Variants in MNX1 observed in about 807,000 individuals in gnomAD.
MNX1 encodes motor neuron and pancreas homeobox 1, also known as motor neuron and pancreas homeobox protein 1.
MNX1 carries 2 observed loss-of-function variants against 17.3 expected under a neutral mutation model. That is an observed-to-expected ratio of 0.12 (90% CI 0.05 to 0.36). The LOEUF (loss-of-function observed/expected upper bound fraction) is 0.36, where lower values mean the gene tolerates loss of function less well. MNX1 is among the 10% of genes least tolerant of loss of function. The pLI, the probability that MNX1 is intolerant of heterozygous loss-of-function variation, is 1.00. For synonymous variants in MNX1, 306 were observed against 283.1 expected (o/e 1.08, Z -0.81); for missense variants, 556 against 564.7 (o/e 0.98, Z 0.16).
Position 157,005,594 on chromosome 7 carries a change from C to T in MNX1, c.1132G>A (p.Ala378Thr), listed in dbSNP as rs1259816325. The T allele has an allele frequency of 2.5e-6, 4 of 1,600,226 alleles. No individual in the cohort carries two copies. The highest frequency in any genetic ancestry group is 1.7e-5 in the Admixed American group (1 of 58,926). ...FPYSNGASVHAASSDCSSEDD... is the reference protein window; with the variant it reads ...FPYSNGASVHTASSDCSSEDD... ...TCCGAGGAGCAGTCGGAGGAGGCGG[C>T]GTGGACGCTGGCGCCGTTGCTGTAG... is the stretch of plus-strand genomic sequence containing the variant. The change falls in exon 3 of 3, where the codon GCC becomes ACC. Residue 378 changes from alanine to threonine, a missense_variant. Physicochemically the swap from Ala to Thr is moderately conservative, Grantham distance 58. Transcript: ENST00000252971.
Position 157,006,678 on chromosome 7 carries a change from G to C in MNX1, c.692-39C>G. The C allele has an allele frequency of 6.5e-7, 1 of 1,536,216 alleles. No homozygotes were observed. The highest frequency in any genetic ancestry group is 8.8e-7 in the Non-Finnish European group (1 of 1,141,724). On this transcript the variant is annotated intron_variant, in intron 1 of 2. Coordinates refer to ENST00000252971, the MANE Select transcript of MNX1 (RefSeq NM_005515.4). This position sits in a 1 kb window ranked among gnomAD's most constrained non-coding sequence, Gnocchi z 6.3. Reference sequence around the variant, plus strand: ...GGCAGTGAGGCCCACAGCCGGCTCCGGTCCTCGCCCCAGCCCCTCCCGTTG... The same window carrying C: ...GGCAGTGAGGCCCACAGCCGGCTCCCGTCCTCGCCCCAGCCCCTCCCGTTG...
Position 157,005,460 on chromosome 7 carries a change from C to G in MNX1, c.*60G>C. ...GGGTGGGTGCGGGCGCCGGGGCCTC[C>G]GGGAGAAGCCGCCGGCCGGGGCGCT... On this transcript the variant is annotated 3_prime_UTR_variant, in exon 3 of 3. Coordinates refer to ENST00000252971, the MANE Select transcript of MNX1 (RefSeq NM_005515.4). 1 of 1,192,700 alleles carries G rather than the reference C, an allele frequency of 8.4e-7. No individual in the cohort carries two copies. The highest frequency in any genetic ancestry group is 1.0e-6 in the Non-Finnish European group (1 of 957,180). The allele number at this position is 1,192,700 out of a possible 1,614,324, so 73.9% of individuals were successfully genotyped here. A position where few individuals can be genotyped will look rare whatever the true frequency, so the allele number is the denominator to read the frequency against.
In MNX1 at chr7:157,006,940, G is replaced by T. The variant is rs1175889227; in HGVS notation, c.692-301C>A. On this transcript the variant is annotated intron_variant, in intron 1 of 2. Coordinates refer to ENST00000252971, the MANE Select transcript of MNX1 (RefSeq NM_005515.4). This position sits in a 1 kb window ranked among gnomAD's most constrained non-coding sequence, Gnocchi z 6.3. ...AGGAGGCTTCCTCTCCACAGGAGCCGGCTTTGGTAGCAGTGGATTGACCCA... is the reference window on the plus strand; with the variant it reads ...AGGAGGCTTCCTCTCCACAGGAGCCTGCTTTGGTAGCAGTGGATTGACCCA... The T allele has an allele frequency of 1.1e-5, 3 of 272,686 alleles. No individual in the cohort carries two copies. The East Asian group carries it at 2.2e-4, about 20-fold the overall frequency. The allele number at this position is 272,686 out of a possible 1,614,324, so 16.9% of individuals were successfully genotyped here.
chr7:157,007,928 A>G (rs13221118), intron 1 of MNX1: 23,372 of 152,292 alleles, frequency 0.15, 2,578 homozygotes, highest in African/African-American at 0.31. Flanking sequence ...GCCATCCAAC[A>G]GGCAGAGACA....
Position 157,010,486 on chromosome 7 carries a change from G to T in MNX1, c.-136C>A. On this transcript the variant is annotated 5_prime_UTR_variant, in exon 1 of 3. Transcript: ENST00000252971. Reference sequence around the variant, plus strand: ...TGGTTATTTGCCAATAATCAAAGTCGCCGCCGGAAACTCAGCCGAGGGTGA... The same window carrying T: ...TGGTTATTTGCCAATAATCAAAGTCTCCGCCGGAAACTCAGCCGAGGGTGA... 1.7e-6 allele frequency: 1 copy of T among 573,572 alleles called. No homozygotes were observed. The highest frequency in any genetic ancestry group is 2.8e-6 in the Non-Finnish European group (1 of 360,620). The allele number at this position is 573,572 out of a possible 1,614,324, so 35.5% of individuals were successfully genotyped here.
chr7:157,005,621 G>T lies in MNX1; in HGVS notation c.1105C>A (p.Pro369Thr), dbSNP rs1805579727. The T allele has an allele frequency of 6.2e-7, 1 of 1,608,942 alleles. No homozygotes were observed. Among genetic ancestry groups the T allele is most frequent in the African/African-American group, 1.3e-5 (1 of 74,762 alleles). ...TGGACGCTGGCGCCGTTGCTGTAGG[G>T]GAAATGGTCCTCGTCGTCCTCGTCC... ...DEDEDDEDHF[P>T]YSNGASVHAA... is the part of the protein sequence containing the mutation. Residue 369 changes from proline to threonine, a missense_variant, in exon 3 of 3, where the codon CCC becomes ACC. Pro to Thr is a conservative substitution (Grantham distance 38, BLOSUM62 -1). Transcript: ENST00000252971.
Position 157,006,174 on chromosome 7 carries a change from C to T in MNX1, c.853-301G>A. The T allele has an allele frequency of 1.7e-6, 1 of 586,044 alleles. No individual in the cohort carries two copies. Among genetic ancestry groups the T allele is most frequent in the Non-Finnish European group, 3.0e-6 (1 of 331,144 alleles). 36.3% of individuals were successfully genotyped at this position (586,044 alleles called of 1,614,324 possible). ...TCCGTCTGCGGAGGAAGGGTCAGGG[C>T]AGCTGGCTACGTCGCGGTAAATCTC... is the stretch of plus-strand genomic sequence containing the variant. On this transcript the variant is annotated intron_variant, in intron 2 of 2. Coordinates refer to ENST00000252971, the MANE Select transcript of MNX1 (RefSeq NM_005515.4). The surrounding 1 kb of genome is among the most constrained non-coding windows in gnomAD (Gnocchi z 6.3).
In MNX1 at chr7:157,006,293, G is replaced by C. The variant is rs1805596793; in HGVS notation, c.852+186C>G. The stretch of plus-strand genomic sequence containing the variant: ...ATGAAAGGAGGGGTGGTTAAGTGCT[G>C]ATTCTTGGGCCCCACCCGAAGCTAC... On this transcript the variant is annotated intron_variant, in intron 2 of 2. Transcript: ENST00000252971. The surrounding 1 kb of genome is among the most constrained non-coding windows in gnomAD (Gnocchi z 6.3). 1 of 630,820 alleles carries C rather than the reference G, an allele frequency of 1.6e-6. No individual in the cohort carries two copies. Among genetic ancestry groups the C allele is most frequent in the Non-Finnish European group, 2.7e-6 (1 of 365,988 alleles). The allele number at this position is 630,820 out of a possible 1,614,324, so 39.1% of individuals were successfully genotyped here. A position where few individuals can be genotyped will look rare whatever the true frequency, so the allele number is the denominator to read the frequency against.
At chr7:157,008,700 A>C (rs1444594826) in intron 1 of MNX1, 3 of 471,062 alleles carry the variant, frequency 6.4e-6, no homozygotes, top group Non-Finnish European at 1.1e-5. Flanking sequence ...AGACAGAAAC[A>C]ATGGGGTCTC....
Position 157,009,696 on chromosome 7 carries a change from C to T in MNX1, c.655G>A (p.Ala219Thr), listed in dbSNP as rs1805671950. ...GGCATCTTAGGCAGGATCATGCCCG[C>T]GGTGGACGCGCGCAGCCACTGGTCC... ...QLDQWLRAST[A>T]GMILPKMPDF... is the part of the protein sequence containing the mutation. Residue 219 changes from alanine to threonine, a missense_variant, in exon 1 of 3, where the codon GCG becomes ACG. Transcript: ENST00000252971. The T allele has an allele frequency of 6.2e-7, 1 of 1,608,684 alleles. No individual in the cohort carries two copies. Among genetic ancestry groups the T allele is most frequent in the Non-Finnish European group, 8.5e-7 (1 of 1,178,956 alleles).
At position 157,006,560 on chromosome 7, in the gene MNX1, C is replaced by T. The variant is rs1244698173; in HGVS notation, c.771G>A (p.Glu257=). The T allele has an allele frequency of 2.5e-6, 4 of 1,608,826 alleles. No individual in the cohort carries two copies. Among genetic ancestry groups the T allele is most frequent in the East Asian group, 2.2e-5 (1 of 44,712 alleles). ...AFTSQQLLEL[E]HQFKLNKYLS... The stretch of plus-strand genomic sequence containing the variant: ...GGTACTTGTTGAGCTTGAACTGGTG[C>T]TCCAGCTCCAGCAGCTGCTGGCTGG... Residue 257 remains glutamate (E), a synonymous_variant, in exon 2 of 3, where the codon GAG becomes GAA. Coordinates refer to ENST00000252971, the MANE Select transcript of MNX1 (RefSeq NM_005515.4). This position sits in a 1 kb window ranked among gnomAD's most constrained non-coding sequence, Gnocchi z 6.3.
chr7:157,009,669 C>G lies in MNX1; in HGVS notation c.682G>C (p.Asp228His), dbSNP rs763110541. ...TAGMILPKMP[D>H]FNSQAQSNLL... ...GCCGCAGGGTACTCACAGTTGAAGT[C>G]GGGCATCTTAGGCAGGATCATGCCC... is the stretch of plus-strand genomic sequence containing the variant. Residue 228 changes from aspartate to histidine, a missense_variant, in exon 1 of 3, where the codon GAC (aspartate) becomes CAC (histidine). Physicochemically the swap from Asp to His is moderately conservative, Grantham distance 81. Coordinates refer to ENST00000252971, the MANE Select transcript of MNX1 (RefSeq NM_005515.4). 6.2e-7 allele frequency: 1 copy of G among 1,609,220 alleles called. No individual in the cohort carries two copies. Among genetic ancestry groups the G allele is most frequent in the Non-Finnish European group, 8.5e-7 (1 of 1,179,188 alleles).
chr7:157,009,430 AAGAGAGGAAG>A, intron 1 of MNX1: 2 of 1,427,498 alleles, frequency 1.4e-6, no homozygotes, highest in East Asian at 5.1e-5. Context: ...CCTTCCCGTT[AAGAGAGGAAG>A]AGAAGGCAAG....
chr7:157,005,383 C>G lies in MNX1; in HGVS notation c.*137G>C. The G allele has an allele frequency of 3.9e-6, 2 of 518,246 alleles. No homozygotes were observed. The highest frequency in any genetic ancestry group is 5.5e-6 in the Non-Finnish European group (2 of 361,864). The allele number at this position is 518,246 out of a possible 1,614,324, so 32.1% of individuals were successfully genotyped here. On this transcript the variant is annotated 3_prime_UTR_variant, in exon 3 of 3. Transcript: ENST00000252971. ...GCGGCCGAATCCCTCCAGCCCCGGC[C>G]TGGGCGAGGGGTCCATGGGGCGGCG...
chr7:157,009,873 C>T lies in MNX1; in HGVS notation c.478G>A (p.Gly160Ser). 3 of 1,452,886 alleles carry T rather than the reference C, an allele frequency of 2.1e-6. No individual in the cohort carries two copies. Among genetic ancestry groups the T allele is most frequent in the East Asian group, 3.0e-5 (1 of 33,292 alleles). 90.0% of individuals were successfully genotyped at this position (1,452,886 alleles called of 1,614,324 possible). A position where few individuals can be genotyped will look rare whatever the true frequency, so the allele number is the denominator to read the frequency against. Residue 160 changes from glycine to serine, a missense_variant, in exon 1 of 3, where the codon GGC becomes AGC. Gly to Ser is a moderately conservative substitution (Grantham distance 56, BLOSUM62 0). This residue lies in a region of MNX1 where 210 missense variants were observed against 211.3 expected (regional missense o/e 0.99). Coordinates refer to ENST00000252971, the MANE Select transcript of MNX1 (RefSeq NM_005515.4). ...GCGGAGTAGCCGTAGACCGGGTGGC[C>T]GTAGAGCGCCGCCTGCGCCGGGAGG... is the stretch of plus-strand genomic sequence containing the variant. ...AGLPAQAALYGHPVYGYSAAA... is the reference protein window; with the variant it reads ...AGLPAQAALYSHPVYGYSAAA...
rs934928474 is a variant in MNX1 at position 157,009,606 on chromosome 7, G to A, written c.691+54C>T. ...GAGAGGGGCAGGCGGTGCCGGTGGA[G>A]GATGCGCGAGGCCCTCCCGCCACGC... is the stretch of plus-strand genomic sequence containing the variant. On this transcript the variant is annotated intron_variant, in intron 1 of 2. Coordinates refer to ENST00000252971, the MANE Select transcript of MNX1 (RefSeq NM_005515.4). The A allele has an allele frequency of 1.9e-6, 3 of 1,585,704 alleles. No individual in the cohort carries two copies. The African/African-American group carries it at 4.0e-5, about 21-fold the overall frequency.
chr7:157,006,325 G>A lies in MNX1; in HGVS notation c.852+154C>T. 1.3e-6 allele frequency: 1 copy of A among 781,248 alleles called. No individual in the cohort carries two copies. Among genetic ancestry groups the A allele is most frequent in the South Asian group, 1.8e-5 (1 of 54,296 alleles). The allele number at this position is 781,248 out of a possible 1,614,324, so 48.4% of individuals were successfully genotyped here. A position where few individuals can be genotyped will look rare whatever the true frequency, so the allele number is the denominator to read the frequency against. ...GGGCCCCACCCGAAGCTACTGAATC[G>A]GCGCTCTGGGCACCTTAGATGAACC... On this transcript the variant is annotated intron_variant, in intron 2 of 2. Coordinates refer to ENST00000252971, the MANE Select transcript of MNX1 (RefSeq NM_005515.4). This position sits in a 1 kb window ranked among gnomAD's most constrained non-coding sequence, Gnocchi z 6.3.
At position 157,009,980 on chromosome 7, in the gene MNX1, G is replaced by A. The variant is rs1244822620; in HGVS notation, c.371C>T (p.Ala124Val). The A allele has an allele frequency of 3.1e-6, 3 of 980,262 alleles. No homozygotes were observed. In the African/African-American group the frequency reaches 5.5e-5, roughly 18 times the overall value. 60.7% of individuals were successfully genotyped at this position (980,262 alleles called of 1,614,324 possible). A position where few individuals can be genotyped will look rare whatever the true frequency, so the allele number is the denominator to read the frequency against. Residue 124 changes from alanine to valine, a missense_variant, in exon 1 of 3, where the codon GCT (alanine) becomes GTT (valine). Coordinates refer to ENST00000252971, the MANE Select transcript of MNX1 (RefSeq NM_005515.4). ...HHHAHPGAAAAAAAAAAAAAA... is the reference protein window; with the variant it reads ...HHHAHPGAAAVAAAAAAAAAA... The stretch of plus-strand genomic sequence containing the variant: ...GGCGGCGGCGGCGGCGGCGGCGGCA[G>A]CGGCCGCTGCGCCCGGATGCGCGTG...
rs1013102648 is a variant in MNX1 at position 157,008,957 on chromosome 7, C to G, written c.691+703G>C. The G allele has an allele frequency of 1.3e-5, 20 of 1,531,346 alleles. No homozygotes were observed. In the South Asian group the frequency reaches 2.0e-4, roughly 16 times the overall value. 94.9% of individuals were successfully genotyped at this position (1,531,346 alleles called of 1,614,324 possible). On this transcript the variant is annotated intron_variant, in intron 1 of 2. Transcript: ENST00000252971. Reference sequence around the variant, plus strand: ...CCCAGCGGCTCTGGGGTGGGGAGAACAGGGGCTCCCTCGGCCCCACCTTGG... The same window carrying G: ...CCCAGCGGCTCTGGGGTGGGGAGAAGAGGGGCTCCCTCGGCCCCACCTTGG...
Sources: allele counts gnomAD v4.1 joint callset, GRCh38; gene constraint gnomAD v4.1.1; regional missense constraint gnomAD v4.1.1; non-coding constraint Gnocchi (gnomAD v3.1); transcripts MANE v1.5; gene names NCBI Gene and HGNC (gene_info 2026-07-23, HGNC 2026-07-21).